The following FSTL4 variants were observed in gnomAD, a reference collection of about 807,000 sequenced individuals.
FSTL4 encodes follistatin like 4.
Under a neutral mutation model 78.2 loss-of-function variants are expected in FSTL4, and 28 were observed. The observed-to-expected ratio is 0.36, with a 90% CI of 0.27 to 0.49. The LOEUF is 0.49. FSTL4 is among the 20% of genes least tolerant of loss of function. The pLI is 0.98. For synonymous variants in FSTL4, 422 were observed against 440.5 expected, an observed-to-expected ratio of 0.96 and a Z score of 0.53; for missense variants, 922 against 1,084.9, an observed-to-expected ratio of 0.85 and a Z score of 2.11.
At chr5:133,411,372 C>G (rs766205295) in intron 3 of FSTL4, among the ~76,000 whole-genome samples, 1 of 152,052 alleles carries the variant, frequency 6.6e-6, no homozygotes, top group Admixed American at 6.6e-5. Flanking sequence ...TTTGAGCCAA[C>G]AAGAAAATCA....
intron 3 of FSTL4, among the ~76,000 whole-genome samples, chr5:133,423,595 G>T (rs958805046): frequency 6.6e-6 from 1 of 152,210 alleles, no homozygotes; most frequent in Admixed American, 6.5e-5. Flanking sequence ...TCGAGGGGTG[G>T]TGGGGATGAT....
rs1756823287 is a variant in FSTL4 at position 133,426,599 on chromosome 5, T to C, written c.161-25613A>G. On this transcript the variant is annotated intron_variant, in intron 3 of 15. Transcript: ENST00000265342. This position sits in a 1 kb window ranked among gnomAD's most constrained non-coding sequence, Gnocchi z 5.0. ...TGGGGAATGATCAATGCCGGCATTG[T>C]GCATTCTGGCAGGGTGGATCACTGG... Among the ~76,000 whole-genome samples the C allele has an allele frequency of 6.6e-6, 1 of 152,102 alleles. No homozygotes were observed. Among genetic ancestry groups the C allele is most frequent in the African/African-American group, 2.4e-5 (1 of 41,400 alleles).
intron 3 of FSTL4, among the ~76,000 whole-genome samples, chr5:133,523,788 T>C (rs1355426583): frequency 6.6e-6 from 1 of 152,246 alleles, no homozygotes; most frequent in African/African-American, 2.4e-5. Flanking sequence ...TTATTTATTA[T>C]GTTACCCATT....
the FSTL4 span, among the ~76,000 whole-genome samples, chr5:133,793,466 G>A: frequency 2.0e-5 from 3 of 152,196 alleles, no homozygotes; most frequent in South Asian, 2.1e-4. Context: ...TAGGCACTAC[G>A]TTCCCCATTT....
chr5:133,240,104 C>T (rs571180206), intron 7 of FSTL4, among the ~76,000 whole-genome samples: 20 of 152,300 alleles, frequency 1.3e-4, no homozygotes, highest in African/African-American at 3.4e-4. Context: ...CAACACTCAC[C>T]CTGAAGGTCT....
At chr5:133,492,758 T>C (rs1002211700) in intron 3 of FSTL4, among the ~76,000 whole-genome samples, 1 of 152,166 alleles carries the variant, frequency 6.6e-6, no homozygotes, top group Non-Finnish European at 1.5e-5. Context: ...ATTTCCAGTG[T>C]TTCTTCTCCC....
At chr5:133,506,647 T>C (rs1758617896) in intron 3 of FSTL4, among the ~76,000 whole-genome samples, 1 of 152,200 alleles carries the variant, frequency 6.6e-6, no homozygotes, top group African/African-American at 2.4e-5. Context: ...CCCAGCATTG[T>C]TATGAGAGCA....
intron 3 of FSTL4, among the ~76,000 whole-genome samples, chr5:133,522,739 G>A (rs905606526): frequency 6.6e-6 from 1 of 152,144 alleles, no homozygotes; most frequent in Non-Finnish European, 1.5e-5. Flanking sequence ...GCTTCAACAC[G>A]GGCATCCAGC....
the FSTL4 span, among the ~76,000 whole-genome samples, chr5:133,682,663 C>T: frequency 4.6e-5 from 7 of 152,332 alleles, no homozygotes; most frequent in African/African-American, 1.7e-4. Flanking sequence ...TCCTGAATGG[C>T]TATGGCCACA....
the FSTL4 span, among the ~76,000 whole-genome samples, chr5:133,788,318 A>G: frequency 6.6e-6 from 1 of 152,258 alleles, no homozygotes; most frequent in African/African-American, 2.4e-5. Context: ...CCGTGGCTGG[A>G]AAATGGAACA....
In FSTL4 at chr5:133,225,528, T is replaced by C; in HGVS notation, c.1177+130A>G. 1.1e-6 allele frequency: 1 copy of C among 925,476 alleles called. No individual in the cohort carries two copies. Among genetic ancestry groups the C allele is most frequent in the Admixed American group, 2.3e-5 (1 of 43,028 alleles). The allele number at this position is 925,476 out of a possible 1,614,324, so 57.3% of individuals were successfully genotyped here. A position where few individuals can be genotyped will look rare whatever the true frequency, so the allele number is the denominator to read the frequency against. The stretch of plus-strand genomic sequence containing the variant: ...GTGTGAGCCCAGATAACAGGGAAAT[T>C]TGGGAGCCATCTGTTCACTCCTAAC... On this transcript the variant is annotated intron_variant, in intron 9 of 15. Coordinates refer to ENST00000265342, the MANE Select transcript of FSTL4 (RefSeq NM_015082.2). The surrounding 1 kb of genome is among the most constrained non-coding windows in gnomAD (Gnocchi z 4.6).
intron 3 of FSTL4, among the ~76,000 whole-genome samples, chr5:133,490,495 A>G (rs1283508812): frequency 6.6e-6 from 1 of 151,916 alleles, no homozygotes; most frequent in Non-Finnish European, 1.5e-5. Flanking sequence ...TACTGGCTCT[A>G]ATTTTCTAAA....
At chr5:133,439,348 A>G (rs1331751422) in intron 3 of FSTL4, among the ~76,000 whole-genome samples, 1 of 152,188 alleles carries the variant, frequency 6.6e-6, no homozygotes, top group Non-Finnish European at 1.5e-5. Context: ...AAACTTGCCA[A>G]TATTTGGTTA....
the FSTL4 span, among the ~76,000 whole-genome samples, chr5:133,684,997 G>C: frequency 5.9e-5 from 9 of 152,196 alleles, no homozygotes; most frequent in East Asian, 1.7e-3. Context: ...CAGAGGACCT[G>C]CTCCAAACAG....
At chr5:133,722,167 G>A in the FSTL4 span, among the ~76,000 whole-genome samples, 1 of 152,080 alleles carries the variant, frequency 6.6e-6, no homozygotes, top group African/African-American at 2.4e-5. Flanking sequence ...AGTACGTCCT[G>A]AGCTCCACCT....
At chr5:133,401,635 T>A (rs545944368) in intron 3 of FSTL4, among the ~76,000 whole-genome samples, 1 of 152,308 alleles carries the variant, frequency 6.6e-6, no homozygotes, top group South Asian at 2.1e-4. Flanking sequence ...GTGACATGTA[T>A]GCAGATCAGG....
At position 133,237,652 on chromosome 5, in the gene FSTL4, T is replaced by C. The variant is rs572955331; in HGVS notation, c.895-4115A>G. Among the ~76,000 whole-genome samples the C allele has an allele frequency of 2.6e-3, 403 of 152,292 alleles. 1 individual carries two copies. Among genetic ancestry groups the C allele is most frequent in the Non-Finnish European group, 4.5e-3 (305 of 68,026 alleles). ...AATTACAGAACAAAGCGCATATTGT[T>C]TTCTGGATATGAATACTGGCTACAG... On this transcript the variant is annotated intron_variant, in intron 7 of 15. Coordinates refer to ENST00000265342, the MANE Select transcript of FSTL4 (RefSeq NM_015082.2).
intron 2 of FSTL4, among the ~76,000 whole-genome samples, chr5:133,567,940 G>T (rs1457986115): frequency 6.6e-6 from 1 of 152,216 alleles, no homozygotes; most frequent in African/African-American, 2.4e-5. Flanking sequence ...ACTGAGAAAT[G>T]AAAGGGTGAT....
the FSTL4 span, among the ~76,000 whole-genome samples, chr5:133,680,135 C>T: frequency 6.6e-6 from 1 of 152,206 alleles, no homozygotes; most frequent in East Asian, 1.9e-4. Flanking sequence ...CTAAAGCCCA[C>T]ATTGCATTCC....
Sources: allele counts gnomAD v4.1 joint callset (sites outside exome capture counted in the v4.1 genomes callset), GRCh38; gene constraint gnomAD v4.1.1; non-coding constraint Gnocchi (gnomAD v3.1); transcripts MANE v1.5; gene names NCBI Gene and HGNC (gene_info 2026-07-23, HGNC 2026-07-21).